The following FAAH2 variants were observed in gnomAD, a reference collection of about 807,000 sequenced individuals.
FAAH2 encodes fatty acid amide hydrolase 2.
Under a neutral mutation model 36.9 loss-of-function variants are expected in FAAH2, and 60 were observed. That is an observed-to-expected ratio of 1.63 (90% CI 1.32 to 2.02). The LOEUF is 2.02. Ranked by LOEUF, FAAH2 falls within the 30% of genes most tolerant of loss-of-function variation. The pLI is 0.00. For missense variants in FAAH2, 689 were observed against 397.5 expected, an observed-to-expected ratio of 1.73 and a Z score of -6.23; for synonymous variants, 214 against 143.8, an observed-to-expected ratio of 1.49 and a Z score of -3.49.
At chrX:57,254,949 C>CA in the FAAH2 span, among the ~76,000 whole-genome samples, 52 of 110,464 alleles carry the variant, frequency 4.7e-4, no homozygotes, top group Non-Finnish European at 8.0e-4. Context: ...GATTGAGACA[C>CA]AAAAAAACCC....
At chrX:57,182,359 A>G in the FAAH2 span, among the ~76,000 whole-genome samples, 1 of 111,981 alleles carries the variant, frequency 8.9e-6, no homozygotes, top group Admixed American at 9.5e-5. Flanking sequence ...CAGCATCTGT[A>G]AGGATCTTAA....
chrX:57,364,872 G>T (rs747460916), intron 5 of FAAH2, among the ~76,000 whole-genome samples: 1 of 111,646 alleles, frequency 9.0e-6, no homozygotes, highest in South Asian at 3.7e-4. Flanking sequence ...TTGAGGGATT[G>T]TCTTGGTATT....
chrX:57,342,373 G>A (rs1022512092), intron 5 of FAAH2, among the ~76,000 whole-genome samples: 2 of 111,415 alleles, frequency 1.8e-5, no homozygotes, highest in African/African-American at 6.5e-5. Context: ...CTTTCAGAGG[G>A]CAGAGGGTGG....
chrX:57,270,399 G>A, the FAAH2 span, among the ~76,000 whole-genome samples: 1 of 111,640 alleles, frequency 9.0e-6, no homozygotes, highest in Non-Finnish European at 1.9e-5. Context: ...GCAAAACCTG[G>A]CAGCAATGCA....
chrX:57,488,610 A>G (rs1012683340), intron 10 of FAAH2, 147 bp from the exon 11 acceptor site: 7 of 535,215 alleles, frequency 1.3e-5, no homozygotes, highest in Non-Finnish European at 2.0e-5. Context: ...TTTAATACAG[A>G]TAAAGTTCCT....
intron 10 of FAAH2, among the ~76,000 whole-genome samples, chrX:57,454,073 C>A (rs776623006): frequency 9.0e-6 from 1 of 110,729 alleles, no homozygotes; most frequent in African/African-American, 3.3e-5. Flanking sequence ...CTCTCTCCCC[C>A]ACACCACAGA....
At chrX:57,353,925 C>T (rs1430723054) in intron 5 of FAAH2, among the ~76,000 whole-genome samples, 1 of 110,890 alleles carries the variant, frequency 9.0e-6, no homozygotes, top group Non-Finnish European at 1.9e-5. Flanking sequence ...TCAGAATGGG[C>T]ATTATTACAA....
chrX:57,238,221 C>A, the FAAH2 span, among the ~76,000 whole-genome samples: 1 of 111,781 alleles, frequency 8.9e-6, no homozygotes, highest in African/African-American at 3.3e-5. Context: ...GCACTATTCA[C>A]AATAGCAAAC....
intron 7 of FAAH2, chrX:57,394,463 G>A (rs1175906684): frequency 3.0e-5 from 36 of 1,199,688 alleles, no homozygotes; most frequent in Middle Eastern, 3.1e-4. Context: ...AATGGGCTTC[G>A]GTTTACAAGA....
At chrX:57,440,806 C>A (rs1378992477) in intron 8 of FAAH2, among the ~76,000 whole-genome samples, 1 of 111,618 alleles carries the variant, frequency 9.0e-6, no homozygotes, top group Non-Finnish European at 1.9e-5. Flanking sequence ...GGGTTTTTAG[C>A]ATGAAGGGCT....
At chrX:57,458,529 A>T (rs1406567689) in intron 10 of FAAH2, among the ~76,000 whole-genome samples, 1 of 111,813 alleles carries the variant, frequency 8.9e-6, no homozygotes, top group East Asian at 2.8e-4. Context: ...AAACCTAGGA[A>T]GATGGATGTC....
At chrX:57,457,720 A>G (rs2056886624) in intron 10 of FAAH2, among the ~76,000 whole-genome samples, 1 of 108,172 alleles carries the variant, frequency 9.2e-6, no homozygotes, top group African/African-American at 3.4e-5. Flanking sequence ...AAAAAGGAAT[A>G]CCTAGGAACC....
At chrX:57,308,579 G>T (rs777689731) in intron 2 of FAAH2, among the ~76,000 whole-genome samples, 3 of 111,375 alleles carry the variant, frequency 2.7e-5, no homozygotes, top group Non-Finnish European at 5.7e-5. Flanking sequence ...CTATTCTGTA[G>T]GTTGTTTATT....
At chrX:57,313,011 G>A (rs773450203) in intron 3 of FAAH2, among the ~76,000 whole-genome samples, 1 of 111,017 alleles carries the variant, frequency 9.0e-6, no homozygotes, top group East Asian at 2.8e-4. Context: ...TCCAAGAGAT[G>A]GGAGAAAAAA....
chrX:57,323,007 C>T (rs1415549312), intron 3 of FAAH2, among the ~76,000 whole-genome samples: 1 of 110,318 alleles, frequency 9.1e-6, no homozygotes, highest in African/African-American at 3.3e-5. Flanking sequence ...CAACAGGCCC[C>T]AGTGTGTGAT....
At chrX:57,124,377 A>G in the FAAH2 span, among the ~76,000 whole-genome samples, 1 of 111,553 alleles carries the variant, frequency 9.0e-6, no homozygotes, top group Non-Finnish European at 1.9e-5. Context: ...CTGTTTTGGT[A>G]CCAGTACCAT....
chrX:57,329,072 C>A (rs191868362), intron 3 of FAAH2, among the ~76,000 whole-genome samples: 37 of 112,029 alleles, frequency 3.3e-4, no homozygotes, highest in Admixed American at 7.6e-4. Flanking sequence ...GTGCCAGTTG[C>A]AACTCCCACT....
intron 5 of FAAH2, among the ~76,000 whole-genome samples, chrX:57,362,176 A>G (rs1207847397): frequency 9.0e-6 from 1 of 111,575 alleles, no homozygotes; most frequent in Non-Finnish European, 1.9e-5. Flanking sequence ...GCAGCCACAA[A>G]AAAAGATGAG....
At chrX:57,236,970 G>A in the FAAH2 span, among the ~76,000 whole-genome samples, 1 of 111,352 alleles carries the variant, frequency 9.0e-6, no homozygotes, top group Non-Finnish European at 1.9e-5. Flanking sequence ...GGTTTTTTCT[G>A]ATAGTTTTAT....
Sources: gnomAD v4.1 joint callset for allele counts (sites outside exome capture counted in the v4.1 genomes callset) on GRCh38, gnomAD v4.1.1 for gene constraint, MANE v1.5 for transcripts, NCBI Gene and HGNC (gene_info 2026-07-23, HGNC 2026-07-21) for gene names.